The following CSMD1 variants were observed in gnomAD, a reference collection of about 807,000 sequenced individuals.
CSMD1 encodes CUB and Sushi multiple domains 1.
A neutral mutation model predicts 417.5 loss-of-function variants in CSMD1; 213 were observed. The observed-to-expected ratio is 0.51, with a 90% confidence interval of 0.46 to 0.57. The LOEUF is 0.57. Ranked by LOEUF, CSMD1 falls within the 20% of genes least tolerant of loss-of-function variation. CSMD1 has a pLI of 0.00. For missense variants in CSMD1, 6,923 were observed against 4,529.7 expected (o/e 1.53, Z -15.17); for synonymous variants, 2,862 against 1,736.8 (o/e 1.65, Z -16.11).
intron 1 of CSMD1, among the ~76,000 whole-genome samples, chr8:4,637,906 A>C (rs1177654274): frequency 6.6e-6 from 1 of 151,046 alleles, no homozygotes; most frequent in Admixed American, 6.6e-5. Flanking sequence ...TCCTGACCTC[A>C]TGATCCACCC....
At chr8:4,794,665 T>G (rs1202212385) in intron 1 of CSMD1, among the ~76,000 whole-genome samples, 1 of 152,158 alleles carries the variant, frequency 6.6e-6, no homozygotes, top group Non-Finnish European at 1.5e-5. Flanking sequence ...ACCTTCTTTC[T>G]TCTGCTGACT....
intron 54 of CSMD1, among the ~76,000 whole-genome samples, chr8:2,990,152 G>A (rs1305294424): frequency 1.3e-5 from 2 of 152,196 alleles, no homozygotes; most frequent in East Asian, 3.9e-4. Flanking sequence ...GTCACACAAG[G>A]AAGAGAAAAG....
At chr8:4,296,344 A>G (rs1008717388) in intron 3 of CSMD1, among the ~76,000 whole-genome samples, 4 of 152,194 alleles carry the variant, frequency 2.6e-5, no homozygotes, top group Admixed American at 6.5e-5. Context: ...ATTATGCACT[A>G]TAAACTCATG....
chr8:3,273,816 C>T (rs1352086314), intron 26 of CSMD1, among the ~76,000 whole-genome samples: 3 of 152,170 alleles, frequency 2.0e-5, no homozygotes, highest in Admixed American at 2.0e-4. Flanking sequence ...TTTGATTCCT[C>T]TCTGTTTTTT....
At chr8:4,585,682 A>G (rs903389663) in intron 2 of CSMD1, among the ~76,000 whole-genome samples, 3 of 152,214 alleles carry the variant, frequency 2.0e-5, no homozygotes, top group Non-Finnish European at 2.9e-5. Context: ...ATGGAAAAAA[A>G]TTAAAGCCAG....
At chr8:3,633,560 GTTCAT>G (rs1309657144) in intron 7 of CSMD1, among the ~76,000 whole-genome samples, 6 of 152,116 alleles carry the variant, frequency 3.9e-5, no homozygotes, top group Admixed American at 1.3e-4. Flanking sequence ...CACGTCAAAA[GTTCAT>G]TTCATTTTTA....
chr8:2,980,222 G>C (rs768554049), intron 54 of CSMD1, among the ~76,000 whole-genome samples: 2 of 152,222 alleles, frequency 1.3e-5, no homozygotes, highest in African/African-American at 4.8e-5. Context: ...GGAGAAATGA[G>C]TGGAAGACTT....
chr8:4,752,493 G>T (rs187045340), intron 1 of CSMD1, among the ~76,000 whole-genome samples: 1 of 152,168 alleles, frequency 6.6e-6, no homozygotes, highest in African/African-American at 2.4e-5. Flanking sequence ...TAGTGGCTTT[G>T]GTTATAAGGG....
intron 3 of CSMD1, among the ~76,000 whole-genome samples, chr8:4,136,638 G>C (rs900698869): frequency 6.6e-6 from 1 of 152,198 alleles, no homozygotes; most frequent in Non-Finnish European, 1.5e-5. Context: ...AAAATAGTGA[G>C]ACAGCATTTT....
At chr8:4,589,618 G>A (rs752724090) in intron 2 of CSMD1, among the ~76,000 whole-genome samples, 7 of 152,104 alleles carry the variant, frequency 4.6e-5, no homozygotes, top group African/African-American at 7.2e-5. Context: ...CTCAAAAAGT[G>A]TTCATTCTAC....
intron 5 of CSMD1, among the ~76,000 whole-genome samples, chr8:3,780,194 A>G (rs1458276741): frequency 6.6e-6 from 1 of 152,214 alleles, no homozygotes; most frequent in Non-Finnish European, 1.5e-5. Context: ...AGTTAAAAGC[A>G]TCCTTTATCT....
At chr8:4,184,790 G>A (rs1381273694) in intron 3 of CSMD1, among the ~76,000 whole-genome samples, 3 of 151,566 alleles carry the variant, frequency 2.0e-5, no homozygotes, top group Non-Finnish European at 4.4e-5. Context: ...CACAACCTGT[G>A]ACACAGGTTT....
intron 5 of CSMD1, among the ~76,000 whole-genome samples, chr8:3,848,494 A>AC (rs1803664827): frequency 2.1e-5 from 3 of 143,734 alleles, no homozygotes; most frequent in Admixed American, 2.1e-4. Flanking sequence ...CTGGATTTAT[A>AC]CTTTCCGATT....
intron 2 of CSMD1, among the ~76,000 whole-genome samples, chr8:4,627,277 C>T (rs1230804476): frequency 6.6e-6 from 1 of 152,070 alleles, no homozygotes; most frequent in Non-Finnish European, 1.5e-5. Flanking sequence ...AAAAGTAAAT[C>T]TTAAACAGAA....
chr8:3,973,170 G>A (rs1032241521), intron 5 of CSMD1, among the ~76,000 whole-genome samples: 19 of 152,160 alleles, frequency 1.2e-4, no homozygotes, highest in African/African-American at 2.9e-4. Context: ...GTCTGAAAAC[G>A]TGGAAAAACT....
chr8:3,766,874 A>G (rs573438621), intron 5 of CSMD1, among the ~76,000 whole-genome samples: 5 of 152,176 alleles, frequency 3.3e-5, no homozygotes, highest in African/African-American at 1.2e-4. Flanking sequence ...CAAATTTCTT[A>G]TATCACTTGA....
At chr8:4,283,344 A>G (rs376163795) in intron 3 of CSMD1, among the ~76,000 whole-genome samples, 12 of 152,216 alleles carry the variant, frequency 7.9e-5, no homozygotes, top group Admixed American at 2.0e-4. Flanking sequence ...GCTGCCCTGT[A>G]TAAATGCGAA....
chr8:4,938,065 C>T (rs1424994960), intron 1 of CSMD1, among the ~76,000 whole-genome samples: 3 of 151,972 alleles, frequency 2.0e-5, no homozygotes, highest in African/African-American at 7.3e-5. Flanking sequence ...TATTAATTTC[C>T]AAATGATTAA....
chr8:4,113,449 G>A (rs1454416819), intron 3 of CSMD1, among the ~76,000 whole-genome samples: 1 of 137,418 alleles, frequency 7.3e-6, no homozygotes, highest in African/African-American at 2.8e-5. Context: ...CTGTCACGCA[G>A]GCTGGACTGC....
Sources: allele counts gnomAD v4.1 joint callset (sites outside exome capture counted in the v4.1 genomes callset), GRCh38; gene constraint gnomAD v4.1.1; transcripts MANE v1.5; gene names NCBI Gene and HGNC (gene_info 2026-07-23, HGNC 2026-07-21).